Variants in ARHGEF37 observed in about 807,000 individuals in gnomAD.
The protein encoded by ARHGEF37 is Rho guanine nucleotide exchange factor (GEF) 37.
Under a neutral mutation model 71.1 loss-of-function variants are expected in ARHGEF37, and 55 were observed. That is an observed-to-expected ratio of 0.77 (90% confidence interval 0.62 to 0.97). The LOEUF (loss-of-function observed/expected upper bound fraction) is 0.97. Among genes scored for constraint, ARHGEF37 ranks in the 50% least tolerant of loss-of-function variants. The pLI, the probability that ARHGEF37 is intolerant of heterozygous loss-of-function variation, is 0.00. For synonymous variants in ARHGEF37, 327 were observed against 350.6 expected (o/e 0.93, Z 0.75); for missense variants, 765 against 836.8 (o/e 0.91, Z 1.06).
rs1763592981 is a variant in ARHGEF37 at position 149,597,858 on chromosome 5, A to G, written c.89A>G (p.His30Arg). The G allele has an allele frequency of 6.2e-7, 1 of 1,610,244 alleles. No individual in the cohort carries two copies. Among genetic ancestry groups the G allele is most frequent in the African/African-American group, 1.3e-5 (1 of 74,716 alleles). The change falls in exon 2 of 13, where the codon CAT (histidine) becomes CGT (arginine). Residue 30 changes from histidine (H) to arginine (R), a missense_variant. By Grantham distance (29) the His-to-Arg change is conservative. This residue lies in a region of ARHGEF37 where 201 missense variants were observed against 217.5 expected (regional missense o/e 0.92). Transcript: ENST00000333677. ...GCCTCTGAGGACAGATCGCTGCTTCATCAGAGGCTGGCTGTCCGGGAGCTC... is the reference window on the plus strand; with the variant it reads ...GCCTCTGAGGACAGATCGCTGCTTCGTCAGAGGCTGGCTGTCCGGGAGCTC... The part of the protein sequence containing the change: ...GRASEDRSLL[H>R]QRLAVRELID...
At chr5:149,627,388 A>C in intron 11 of ARHGEF37, 117 bp downstream of exon 11, 1 of 1,158,120 alleles carries the variant, frequency 8.6e-7, no homozygotes, top group Non-Finnish European at 1.2e-6. Context: ...CCAGGATGGG[A>C]GTAGGCACAG....
intron 12 of ARHGEF37, among the ~76,000 whole-genome samples, 172 bp downstream of exon 12, chr5:149,629,138 G>A (rs1398486126): frequency 6.6e-6 from 1 of 152,200 alleles, no homozygotes; most frequent in East Asian, 1.9e-4. Context: ...AGTGGGACCT[G>A]AAGAAGGGGG....
rs78618835 is a variant in ARHGEF37 at position 149,619,019 on chromosome 5, G to A, written c.871G>A (p.Ala291Thr). ...TGTGACTGAGCTGAAGAACAACGTG[G>A]CTGCTTACCTGGACAATCTGCAGGT... Reference protein sequence around the residue: ...LCVTELKNNVAAYLDNLQAFL... With the variant: ...LCVTELKNNVTAYLDNLQAFL... The change falls in exon 7 of 13, where the codon GCT (alanine) becomes ACT (threonine). Residue 291 changes from alanine to threonine, a missense_variant. By Grantham distance (58) the Ala-to-Thr change is moderately conservative. Transcript: ENST00000333677. The A allele has an allele frequency of 2.5e-3, 3,979 of 1,614,120 alleles. 129 individuals carry two copies. The East Asian group carries it at 0.074, about 30-fold the overall frequency.
At chr5:149,610,434 A>G (rs898059101) in intron 4 of ARHGEF37, among the ~76,000 whole-genome samples, 2 of 152,238 alleles carry the variant, frequency 1.3e-5, no homozygotes, top group African/African-American at 4.8e-5. Context: ...TAAATTTTCG[A>G]ATGGGTAACG....
intron 3 of ARHGEF37, among the ~76,000 whole-genome samples, chr5:149,607,327 G>A (rs576474546): frequency 4.6e-5 from 7 of 152,148 alleles, no homozygotes; most frequent in Non-Finnish European, 8.8e-5. Flanking sequence ...CCTGCCTCAG[G>A]GCCTCTGCAG....
intron 4 of ARHGEF37, among the ~76,000 whole-genome samples, chr5:149,610,773 G>A (rs777866855): frequency 3.9e-5 from 6 of 152,214 alleles, no homozygotes; most frequent in Admixed American, 6.5e-5. Context: ...TGGAGGCTGC[G>A]CACACTAGAG....
intron 1 of ARHGEF37, among the ~76,000 whole-genome samples, chr5:149,566,193 G>C (rs1218505917): frequency 6.6e-6 from 1 of 151,166 alleles, no homozygotes; most frequent in Non-Finnish European, 1.5e-5. Context: ...TAGACTCATT[G>C]AACCTTCAAA....
chr5:149,606,092 CT>C (rs1763905364), intron 3 of ARHGEF37, among the ~76,000 whole-genome samples: 1 of 152,196 alleles, frequency 6.6e-6, no homozygotes, highest in African/African-American at 2.4e-5. Flanking sequence ...CTGAAACACC[CT>C]TGCCTCTGGC....
chr5:149,551,662 T>G (rs1762667784), upstream of ARHGEF37: 1 of 152,332 alleles, frequency 6.6e-6, no homozygotes, highest in Admixed American at 6.5e-5. Context: ...TGTTACCTGT[T>G]ACTCGCCTCG....
At chr5:149,607,522 C>G (rs527721557) in intron 3 of ARHGEF37, among the ~76,000 whole-genome samples, 1 of 152,156 alleles carries the variant, frequency 6.6e-6, no homozygotes, top group African/African-American at 2.4e-5. Context: ...TATTGTCTCA[C>G]GCATCCATGT....
chr5:149,619,139 G>A lies in ARHGEF37; in HGVS notation c.894+97G>A, dbSNP rs374852028. The A allele has an allele frequency of 4.9e-6, 5 of 1,013,116 alleles. No homozygotes were observed. The African/African-American group carries it at 6.4e-5, about 13-fold the overall frequency. 62.8% of individuals were successfully genotyped at this position (1,013,116 alleles called of 1,614,324 possible). Reference sequence around the variant, plus strand: ...AGCCTACAAGCTGGGAAAGGCACCAGCCTCAGAAACCAACCAGATGAGGTC... The same window carrying A: ...AGCCTACAAGCTGGGAAAGGCACCAACCTCAGAAACCAACCAGATGAGGTC... On this transcript the variant is annotated intron_variant, in intron 7 of 12. Coordinates refer to ENST00000333677, the MANE Select transcript of ARHGEF37 (RefSeq NM_001001669.3).
chr5:149,626,385 G>A (rs2113387242), intron 10 of ARHGEF37, among the ~76,000 whole-genome samples: 1 of 152,070 alleles, frequency 6.6e-6, no homozygotes, highest in East Asian at 1.9e-4. Flanking sequence ...TCTCCTTGTT[G>A]ATACTCTTCT....
At chr5:149,557,387 T>C (rs1306358413) in intron 1 of ARHGEF37, among the ~76,000 whole-genome samples, 1 of 152,330 alleles carries the variant, frequency 6.6e-6, no homozygotes, top group South Asian at 2.1e-4. Flanking sequence ...ATAGATAAAC[T>C]GGGAATTTTC....
chr5:149,618,756 C>T (rs763421100), intron 6 of ARHGEF37, among the ~76,000 whole-genome samples, 182 bp from the exon 7 acceptor site: 3 of 152,280 alleles, frequency 2.0e-5, no homozygotes, highest in African/African-American at 4.8e-5. Context: ...CTTGTGTATC[C>T]GATTCCATGC....
Position 149,616,568 on chromosome 5 carries a change from C to A in ARHGEF37, c.460C>A (p.Pro154Thr). The A allele has an allele frequency of 6.2e-7, 1 of 1,605,172 alleles. No homozygotes were observed. ...HIQGIVEAVV[P>T]QAGSSGLSFL... Reference sequence around the variant, plus strand: ...CCTAATACCAGCCTTCTCCCTCAGGCCGCAAGCTGGATCTTCAGGCCTCAG... The same window carrying A: ...CCTAATACCAGCCTTCTCCCTCAGGACGCAAGCTGGATCTTCAGGCCTCAG... Residue 154 changes from proline to threonine, a missense_variant and splice_region_variant, in exon 5 of 13, where the codon CCG becomes ACG. Pro to Thr is a conservative substitution (Grantham distance 38). Around this residue, in one of 5 missense-constraint regions of ARHGEF37, gnomAD observed 201 missense variants for 217.5 expected, o/e 0.92. Coordinates refer to ENST00000333677, the MANE Select transcript of ARHGEF37 (RefSeq NM_001001669.3).
chr5:149,601,052 CA>C lies in ARHGEF37; in HGVS notation c.187-53del. ...GTTCTGTCCTACTCTCAAAAGCCTG[CA>C]AATACATTCTATGGAACTCCCAACC... On this transcript the variant is annotated intron_variant, in intron 2 of 12. Coordinates refer to ENST00000333677, the MANE Select transcript of ARHGEF37 (RefSeq NM_001001669.3). The C allele has an allele frequency of 5.1e-6, 8 of 1,578,794 alleles. No homozygotes were observed. In the South Asian group the frequency reaches 9.1e-5, roughly 18 times the overall value.
chr5:149,631,642 G>C (rs935364401), intron 12 of ARHGEF37, among the ~76,000 whole-genome samples: 8 of 152,332 alleles, frequency 5.3e-5, no homozygotes, highest in Middle Eastern at 3.4e-3. Flanking sequence ...TTGGAGGTCA[G>C]ACAGGCCTAG....
chr5:149,627,405 C>T, intron 11 of ARHGEF37, 134 bp downstream of exon 11: 2 of 954,518 alleles, frequency 2.1e-6, no homozygotes, highest in Non-Finnish European at 3.1e-6. Context: ...ACAGGTGACA[C>T]ACACAGGGCT....
Position 149,609,613 on chromosome 5 carries a change from G to A in ARHGEF37, c.376G>A (p.Asp126Asn), listed in dbSNP as rs763614397. The A allele has an allele frequency of 2.2e-5, 35 of 1,613,612 alleles. No individual in the cohort carries two copies. The highest frequency in any genetic ancestry group is 5.0e-5 in the Admixed American group (3 of 60,006). Residue 126 changes from aspartate to asparagine, a missense_variant, in exon 4 of 13, where the codon GAC becomes AAC. Coordinates refer to ENST00000333677, the MANE Select transcript of ARHGEF37 (RefSeq NM_001001669.3). ...CTATAAGGTCTACTGTGCCAGCTACGACCAGGCCTTGCTACTGGTGGACAC... is the reference window on the plus strand; with the variant it reads ...CTATAAGGTCTACTGTGCCAGCTACAACCAGGCCTTGCTACTGGTGGACAC... Reference protein sequence around the residue: ...QVYKVYCASYDQALLLVDTYR... With the variant: ...QVYKVYCASYNQALLLVDTYR...
Sources: gnomAD v4.1 joint callset for allele counts (sites outside exome capture counted in the v4.1 genomes callset) on GRCh38, gnomAD v4.1.1 for gene constraint, gnomAD v4.1.1 regional missense constraint, MANE v1.5 for transcripts, NCBI Gene and HGNC (gene_info 2026-07-23, HGNC 2026-07-21) for gene names.